DACH2: variants seen among roughly 807,000 people sequenced by gnomAD.
The protein encoded by DACH2 is dachshund family transcription factor 2, also known as dachshund homolog 2.
A neutral mutation model predicts 35.8 loss-of-function variants in DACH2; 17 were observed. The ratio of observed to expected loss-of-function variants is 0.48; its 90% confidence interval spans 0.33 to 0.71. DACH2 has a LOEUF of 0.71. DACH2 is among the 30% of genes least tolerant of loss of function. The probability of loss-of-function intolerance (pLI) is 0.02; values close to 1 mark genes in which losing one functional copy is unlikely to be tolerated. For synonymous variants in DACH2, 195 were observed against 177.3 expected, an observed-to-expected ratio of 1.10 and a Z score of -0.79; for missense variants, 469 against 472.7, an observed-to-expected ratio of 0.99 and a Z score of 0.07.
At chrX:86,360,005 C>T (rs1216884568) in intron 1 of DACH2, among the ~76,000 whole-genome samples, 4 of 109,379 alleles carry the variant, frequency 3.7e-5, no homozygotes, top group Non-Finnish European at 7.6e-5. Context: ...CCTCAGCCTC[C>T]TGAGTAGCTG....
At chrX:86,529,099 C>T (rs1268303409) in intron 3 of DACH2, among the ~76,000 whole-genome samples, 2 of 112,207 alleles carry the variant, frequency 1.8e-5, no homozygotes, top group African/African-American at 6.5e-5. Flanking sequence ...GGCTGCAGTG[C>T]AGTGGCATGA....
At chrX:86,581,502 T>C (rs1457714749) in intron 3 of DACH2, among the ~76,000 whole-genome samples, 4 of 111,094 alleles carry the variant, frequency 3.6e-5, no homozygotes, top group Non-Finnish European at 7.5e-5. Context: ...ATGACACCCA[T>C]AGGCTCAAAG....
At position 86,695,169 on chromosome X, in the gene DACH2, G is replaced by A. The variant is rs1328451374; in HGVS notation, c.921G>A (p.Leu307=). The A allele has an allele frequency of 1.9e-6, 2 of 1,076,904 alleles. No homozygotes were observed. The highest frequency in any genetic ancestry group is 2.4e-6 in the Non-Finnish European group (2 of 824,809). 88.7% of individuals were successfully genotyped at this position (1,076,904 alleles called of 1,213,427 possible). The change falls in exon 5 of 12, where the codon CTG becomes CTA. Residue 307 remains leucine (L), a synonymous_variant. Transcript: ENST00000373125. ...PTLNPLQQNH[L]LTNRLDLPFM... is the part of the protein sequence containing the mutation. The stretch of plus-strand genomic sequence containing the variant: ...TCAATCCACTGCAGCAGAACCACCT[G>A]CTAACCAATAGTATGTATACTGTCC...
chrX:86,627,009 GT>G (rs373336356), intron 3 of DACH2, among the ~76,000 whole-genome samples: 8 of 112,508 alleles, frequency 7.1e-5, no homozygotes, highest in African/African-American at 2.6e-4. Context: ...CTCAGAAAGT[GT>G]TTTTTTCTTT....
chrX:86,827,892 T>C (rs1436134680), intron 11 of DACH2: 5 of 827,004 alleles, frequency 6.0e-6, no homozygotes, highest in Non-Finnish European at 8.7e-6. Flanking sequence ...ATGGAACCTT[T>C]AATTACTGTT....
intron 2 of DACH2, among the ~76,000 whole-genome samples, chrX:86,489,398 T>C (rs939231625): frequency 9.0e-6 from 1 of 111,135 alleles, no homozygotes; most frequent in Non-Finnish European, 1.9e-5. Context: ...TCCTGAATTA[T>C]GATAAACAAA....
At chrX:86,178,852 A>G (rs2031388599) in intron 1 of DACH2, among the ~76,000 whole-genome samples, 2 of 112,082 alleles carry the variant, frequency 1.8e-5, no homozygotes, top group South Asian at 7.4e-4. Flanking sequence ...ATGTGAACAC[A>G]CACATATATG....
At chrX:86,439,709 G>T (rs1254528997) in intron 2 of DACH2, among the ~76,000 whole-genome samples, 1 of 111,345 alleles carries the variant, frequency 9.0e-6, no homozygotes, top group Non-Finnish European at 1.9e-5. Flanking sequence ...TAAGGTAGAA[G>T]ATTAGATTAT....
chrX:86,671,758 G>A (rs1216673328), intron 4 of DACH2, among the ~76,000 whole-genome samples: 1 of 111,881 alleles, frequency 8.9e-6, no homozygotes, highest in Non-Finnish European at 1.9e-5. Flanking sequence ...CAGAATATTA[G>A]TACTGAGGAG....
intron 2 of DACH2, among the ~76,000 whole-genome samples, chrX:86,432,564 C>T (rs7055735): frequency 0.13 from 14,147 of 111,286 alleles, 1,435 homozygotes; most frequent in African/African-American, 0.34. Context: ...TTCAAATGTC[C>T]TAGGCAGATA....
chrX:86,332,682 G>A (rs1384280016), intron 1 of DACH2, among the ~76,000 whole-genome samples: 1 of 111,684 alleles, frequency 9.0e-6, no homozygotes, highest in East Asian at 2.8e-4. Context: ...AGTTATGATA[G>A]TAAAAATTAT....
In DACH2 at chrX:86,514,280, T is replaced by G; in HGVS notation, c.529T>G (p.Ser177Ala). 1 of 1,209,817 alleles carries G rather than the reference T, an allele frequency of 8.3e-7. No individual in the cohort carries two copies. The highest frequency in any genetic ancestry group is 1.1e-6 in the Non-Finnish European group (1 of 894,342). The stretch of plus-strand genomic sequence containing the variant: ...CTATATTTGTCTGTTTTTCAACAGT[T>G]CAAGACCCGGCAGGCCCCCTAAGCG... ...QMTRKQAVNS[S>A]RPGRPPKRSL... The change falls in exon 3 of 12, where the codon TCA becomes GCA. Residue 177 changes from serine (S) to alanine (A), a missense_variant and splice_region_variant. By Grantham distance (99) the Ser-to-Ala change is moderately conservative. Around this residue, in one of 3 missense-constraint regions of DACH2, gnomAD observed 363 missense variants for 334.4 expected, o/e 1.09. Coordinates refer to ENST00000373125, the MANE Select transcript of DACH2 (RefSeq NM_053281.3).
intron 2 of DACH2, among the ~76,000 whole-genome samples, chrX:86,503,989 G>A (rs1382583433): frequency 1.8e-5 from 2 of 111,783 alleles, no homozygotes; most frequent in Admixed American, 1.9e-4. Flanking sequence ...AGACATCCTT[G>A]TAAAAACATG....
intron 11 of DACH2, among the ~76,000 whole-genome samples, chrX:86,817,283 G>C (rs928476166): frequency 1.8e-5 from 2 of 111,119 alleles, no homozygotes; most frequent in African/African-American, 6.5e-5. Context: ...CAGCTTAAAG[G>C]CTGTGTCTAT....
intron 1 of DACH2, among the ~76,000 whole-genome samples, chrX:86,357,405 A>G (rs1416679623): frequency 8.9e-6 from 1 of 112,454 alleles, no homozygotes; most frequent in Non-Finnish European, 1.9e-5. Flanking sequence ...TCTGCATTAT[A>G]GAGCTTTAAA....
intron 7 of DACH2, among the ~76,000 whole-genome samples, chrX:86,793,735 C>T (rs1219196546): frequency 1.8e-5 from 2 of 112,250 alleles, no homozygotes; most frequent in East Asian, 5.6e-4. Context: ...TACACAAACA[C>T]GTAAAGCACA....
At chrX:86,289,676 G>GT (rs1216577012) in intron 1 of DACH2, among the ~76,000 whole-genome samples, 3 of 102,915 alleles carry the variant, frequency 2.9e-5, no homozygotes, top group Admixed American at 1.1e-4. Context: ...GCGGTGTTTG[G>GT]TTTTTTCTTC....
chrX:86,632,026 T>C (rs1264817155), intron 3 of DACH2, among the ~76,000 whole-genome samples: 1 of 111,805 alleles, frequency 8.9e-6, no homozygotes, highest in Non-Finnish European at 1.9e-5. Context: ...ATAAAGGACC[T>C]TAAGGACAAT....
chrX:86,255,346 T>C (rs923861800), intron 1 of DACH2, among the ~76,000 whole-genome samples: 1 of 111,826 alleles, frequency 8.9e-6, no homozygotes, highest in Admixed American at 9.5e-5. Flanking sequence ...TAGTTCTATA[T>C]GTCTCTTGAT....
Sources: gnomAD v4.1 joint callset for allele counts (sites outside exome capture counted in the v4.1 genomes callset) on GRCh38, gnomAD v4.1.1 for gene constraint, gnomAD v4.1.1 regional missense constraint, MANE v1.5 for transcripts, NCBI Gene and HGNC (gene_info 2026-07-23, HGNC 2026-07-21) for gene names.